The following UBTD2 variants were observed in gnomAD, a reference collection of about 807,000 sequenced individuals.
UBTD2 encodes ubiquitin domain containing 2, also known as ubiquitin domain-containing protein 2.
In UBTD2, 9 loss-of-function variants were observed where a neutral mutation model predicts 19.8. That is an observed-to-expected ratio of 0.46 (90% CI 0.27 to 0.79). UBTD2 has a LOEUF of 0.79. Ranked by LOEUF, UBTD2 falls within the 30% of genes least tolerant of loss-of-function variation. UBTD2 has a pLI of 0.14. For synonymous variants in UBTD2, 98 were observed against 103.9 expected (o/e 0.94, Z 0.35); for missense variants, 250 against 300.4 (o/e 0.83, Z 1.24).
intron 1 of UBTD2, among the ~76,000 whole-genome samples, chr5:172,237,750 T>C (rs1207808904): frequency 6.6e-6 from 1 of 152,236 alleles, no homozygotes; most frequent in Non-Finnish European, 1.5e-5. Context: ...AGGACTTAAG[T>C]TCATATTCAT....
At chr5:172,242,003 G>A (rs563213898) in intron 1 of UBTD2, among the ~76,000 whole-genome samples, 7 of 152,366 alleles carry the variant, frequency 4.6e-5, no homozygotes, top group Admixed American at 3.3e-4. Flanking sequence ...GGGCAACAGA[G>A]GAAGACCCTC....
rs1251404138 is a variant in UBTD2, at chr5:172,283,675, C to A, written c.-10G>T. 2 of 1,234,398 alleles carry A rather than the reference C, an allele frequency of 1.6e-6. No individual in the cohort carries two copies. Among genetic ancestry groups the A allele is most frequent in the Non-Finnish European group, 2.0e-6 (2 of 985,544 alleles). The allele number at this position is 1,234,398 out of a possible 1,614,324, so 76.5% of individuals were successfully genotyped here. On this transcript the variant is annotated 5_prime_UTR_variant, in exon 1 of 3. Coordinates refer to ENST00000393792, the MANE Select transcript of UBTD2 (RefSeq NM_152277.3). This position sits in a 1 kb window ranked among gnomAD's most constrained non-coding sequence, Gnocchi z 4.3. Reference sequence around the variant, plus strand: ...CCACACACCCGCCCATGGGGGCCCCCGGCGCCTCGTCCGCCACCTCCGGAC... The same window carrying A: ...CCACACACCCGCCCATGGGGGCCCCAGGCGCCTCGTCCGCCACCTCCGGAC...
chr5:172,269,285 T>C (rs1359775601), intron 1 of UBTD2, among the ~76,000 whole-genome samples: 2 of 151,080 alleles, frequency 1.3e-5, no homozygotes, highest in Non-Finnish European at 3.0e-5. Context: ...AGGTTAGGAG[T>C]TGGAGACCAG....
intron 1 of UBTD2, among the ~76,000 whole-genome samples, chr5:172,242,234 A>C (rs912739076): frequency 6.6e-6 from 1 of 152,210 alleles, no homozygotes; most frequent in Non-Finnish European, 1.5e-5. Flanking sequence ...TTTATAAATT[A>C]CCCAGTCTCA....
intron 1 of UBTD2, chr5:172,255,492 C>T (rs62381999): frequency 0.081 from 27,957 of 346,854 alleles, 1,399 homozygotes; most frequent in Non-Finnish European, 0.1. Flanking sequence ...TGGTTAGGGA[C>T]GCCGCCCACG....
At chr5:172,254,010 A>C (rs1160367055) in intron 1 of UBTD2, among the ~76,000 whole-genome samples, 1 of 152,186 alleles carries the variant, frequency 6.6e-6, no homozygotes, top group African/African-American at 2.4e-5. Context: ...GTTTTGGATA[A>C]TATAAGTTCA....
intron 1 of UBTD2, among the ~76,000 whole-genome samples, chr5:172,271,235 C>A (rs1395639328): frequency 6.6e-6 from 1 of 151,972 alleles, no homozygotes; most frequent in African/African-American, 2.4e-5. Context: ...TCAAGACCAT[C>A]CTGGCTAACA....
chr5:172,264,573 A>C (rs1454539216), intron 1 of UBTD2, among the ~76,000 whole-genome samples: 2 of 72,234 alleles, frequency 2.8e-5, no homozygotes, highest in Admixed American at 1.5e-4. Flanking sequence ...AAAAAAAAAA[A>C]AAACAAAACA....
chr5:172,235,022 G>C (rs538763887), intron 1 of UBTD2, among the ~76,000 whole-genome samples: 1 of 152,154 alleles, frequency 6.6e-6, no homozygotes, highest in African/African-American at 2.4e-5. Context: ...TAGGCACTGG[G>C]AGTACATAGG....
chr5:172,227,695 C>CTT lies in UBTD2; in HGVS notation c.307+6425_307+6426dup, dbSNP rs1164255222. Reference sequence around the variant, plus strand: ...ACCATGCCTGGCCAAATGAAAAATTCTTTTTTTTTTTTTTTTTTTTTTTTT... The same window carrying CTT: ...ACCATGCCTGGCCAAATGAAAAATTCTTTTTTTTTTTTTTTTTTTTTTTTTTT... On this transcript the variant is annotated intron_variant, in intron 2 of 2. Coordinates refer to ENST00000393792, the MANE Select transcript of UBTD2 (RefSeq NM_152277.3). Among the ~76,000 whole-genome samples, 50 of 72,164 alleles carry CTT rather than the reference C, an allele frequency of 6.9e-4. 2 individuals carry two copies. Among genetic ancestry groups the CTT allele is most frequent in the East Asian group, 3.4e-3 (6 of 1,752 alleles). The allele number at this position is 72,164 out of a possible 152,430, so 47.3% of individuals were successfully genotyped here. A position where few individuals can be genotyped will look rare whatever the true frequency, so the allele number is the denominator to read the frequency against.
chr5:172,254,845 T>G, intron 1 of UBTD2: 1 of 546,066 alleles, frequency 1.8e-6, no homozygotes, highest in Non-Finnish European at 3.4e-6. Flanking sequence ...CAGGATTTTC[T>G]TATGATTCAA....
At chr5:172,275,099 T>A (rs752427024) in intron 1 of UBTD2, among the ~76,000 whole-genome samples, 6 of 152,120 alleles carry the variant, frequency 3.9e-5, no homozygotes, top group Non-Finnish European at 8.8e-5. Flanking sequence ...TGACTCACAG[T>A]TCCGCAGGGC....
At chr5:172,238,537 ACT>A (rs1772056793) in intron 1 of UBTD2, among the ~76,000 whole-genome samples, 1 of 152,016 alleles carries the variant, frequency 6.6e-6, no homozygotes, top group South Asian at 2.1e-4. Context: ...ATATTCACCC[ACT>A]CTTTATCTTT....
At chr5:172,231,483 C>A (rs977576342) in intron 2 of UBTD2, among the ~76,000 whole-genome samples, 3 of 152,122 alleles carry the variant, frequency 2.0e-5, no homozygotes, top group Non-Finnish European at 4.4e-5. Context: ...GGAACATTTT[C>A]CACAGAGAAG....
At chr5:172,267,039 T>TAAAA (rs34544452) in intron 1 of UBTD2, among the ~76,000 whole-genome samples, 7 of 119,336 alleles carry the variant, frequency 5.9e-5, no homozygotes, top group African/African-American at 1.9e-4. Context: ...AGCCTCTCTT[T>TAAAA]AAAAAAAAAA....
At chr5:172,220,149 A>C (rs1262600061) in intron 2 of UBTD2, among the ~76,000 whole-genome samples, 1 of 152,262 alleles carries the variant, frequency 6.6e-6, no homozygotes, top group Non-Finnish European at 1.5e-5. Flanking sequence ...AGTAGGCTTT[A>C]GTCTCAAGTA....
rs1581238482 is a variant in UBTD2, at chr5:172,282,059, C to T, written c.70+1537G>A. On this transcript the variant is annotated intron_variant, in intron 1 of 2. Transcript: ENST00000393792. ...TAAATAAATTAATCCACATACATTACGGAGAAGAGCAAAATGCTTATGACA... is the reference window on the plus strand; with the variant it reads ...TAAATAAATTAATCCACATACATTATGGAGAAGAGCAAAATGCTTATGACA... Among the ~76,000 whole-genome samples the T allele has an allele frequency of 3.9e-5, 6 of 152,124 alleles. No homozygotes were observed. The South Asian group carries it at 1.2e-3, about 32-fold the overall frequency.
At position 172,229,222 on chromosome 5, in the gene UBTD2, C is replaced by T. The variant is rs1030903157; in HGVS notation, c.307+4900G>A. Reference sequence around the variant, plus strand: ...GGAGGTTAAGAGGAGAGCTTTTGGCCGGGCGCGGTGGCTCACGCCTGTAAT... The same window carrying T: ...GGAGGTTAAGAGGAGAGCTTTTGGCTGGGCGCGGTGGCTCACGCCTGTAAT... On this transcript the variant is annotated intron_variant, in intron 2 of 2. Transcript: ENST00000393792. Among the ~76,000 whole-genome samples, 15 of 151,798 alleles carry T rather than the reference C, an allele frequency of 9.9e-5. No homozygotes were observed. The East Asian group carries it at 1.6e-3, about 16-fold the overall frequency.
At chr5:172,268,674 A>G (rs1363533645) in intron 1 of UBTD2, among the ~76,000 whole-genome samples, 1 of 152,136 alleles carries the variant, frequency 6.6e-6, no homozygotes, top group East Asian at 1.9e-4. Flanking sequence ...GCTTGAACCC[A>G]GGAGGCAACG....
Sources: allele counts gnomAD v4.1 joint callset (sites outside exome capture counted in the v4.1 genomes callset), GRCh38; gene constraint gnomAD v4.1.1; non-coding constraint Gnocchi (gnomAD v3.1); transcripts MANE v1.5; gene names NCBI Gene and HGNC (gene_info 2026-07-23, HGNC 2026-07-21).